Variants in MANBA observed in about 807,000 individuals in gnomAD.
The protein encoded by MANBA is mannosidase beta, also known as beta-mannosidase.
In MANBA, 83 loss-of-function variants were observed where a neutral mutation model predicts 111.1. The observed-to-expected ratio is 0.75, with a 90% confidence interval of 0.63 to 0.90. The LOEUF is 0.90. MANBA is among the 40% of genes least tolerant of loss of function. The pLI is 0.00. For synonymous variants in MANBA, 370 were observed against 378.7 expected, an observed-to-expected ratio of 0.98 and a Z score of 0.27; for missense variants, 1,036 against 1,069.0, an observed-to-expected ratio of 0.97 and a Z score of 0.43.
In MANBA at chr4:102,634,782, G is replaced by T; in HGVS notation, c.2415+6C>A. 6.2e-7 allele frequency: 1 copy of T among 1,613,270 alleles called. No individual in the cohort carries two copies. On this transcript the variant is annotated splice_donor_region_variant and intron_variant, in intron 16 of 16. Transcript: ENST00000647097. ...TCCCCTGCCCTCCGCCATGACCTGT[G>T]CTTACAGTGATCTGCGCCTTGCAGA...
chr4:102,730,171 TG>T, intron 1 of MANBA: 2 of 1,034,816 alleles, frequency 1.9e-6, no homozygotes, highest in Admixed American at 2.6e-5. Context: ...CTGATGGACA[TG>T]GTGGAGGCAG....
chr4:102,730,217 C>T lies in MANBA; in HGVS notation c.178-3534G>A, dbSNP rs543540809. The T allele has an allele frequency of 4.0e-4, 241 of 606,210 alleles. 1 individual carries two copies. The African/African-American group carries it at 4.2e-3, about 10-fold the overall frequency. 37.6% of individuals were successfully genotyped at this position (606,210 alleles called of 1,614,324 possible). On this transcript the variant is annotated intron_variant, in intron 1 of 16. Transcript: ENST00000647097. ...CAGGAAGGCCGAACCAGATAGAGAT[C>T]CCAGAAGGAGTGGAGAAGCTGCTTC...
At chr4:102,752,340 T>C in intron 1 of MANBA, 1 of 1,362,842 alleles carries the variant, frequency 7.3e-7, no homozygotes, top group South Asian at 1.2e-5. Context: ...CAGATAGGCA[T>C]ACCAGACTGT....
At chr4:102,666,735 T>C (rs1278008056) in intron 10 of MANBA, 2 of 152,162 alleles carry the variant, frequency 1.3e-5, no homozygotes, top group Admixed American at 6.5e-5. Context: ...AGGAGTTCGA[T>C]TGTACTTTTT....
chr4:102,722,941 C>A lies in MANBA; in HGVS notation c.479G>T (p.Arg160Leu), dbSNP rs144917953. The change falls in exon 4 of 17, where the codon CGC (arginine) becomes CTC (leucine). Residue 160 changes from arginine to leucine, a missense_variant. By Grantham distance (102) the Arg-to-Leu change is moderately radical (BLOSUM62 -2). Coordinates refer to ENST00000647097, the MANE Select transcript of MANBA (RefSeq NM_005908.4). ...AGGGCAGTCTGGGGGAACCTGGTAG[C>A]GAGTGTGAGCTTTGCTCTGCTGTGC... Reference protein sequence around the residue: ...YAAQQSKAHTRYQVPPDCPPL... With the variant: ...YAAQQSKAHTLYQVPPDCPPL... 2.5e-6 allele frequency: 4 copies of A among 1,614,072 alleles called. No homozygotes were observed. The highest frequency in any genetic ancestry group is 3.3e-4 in the Middle Eastern group (2 of 6,062).
intron 5 of MANBA, among the ~76,000 whole-genome samples, chr4:102,709,572 G>A (rs192272131): frequency 3.3e-5 from 5 of 152,166 alleles, no homozygotes; most frequent in Non-Finnish European, 5.9e-5. Flanking sequence ...AAGTTACAAC[G>A]AAGAACTAAT....
At chr4:102,737,179 T>G (rs1723245567) in intron 1 of MANBA, among the ~76,000 whole-genome samples, 2 of 152,114 alleles carry the variant, frequency 1.3e-5, no homozygotes, top group South Asian at 4.1e-4. Flanking sequence ...CCGGCTGAAC[T>G]TTGTAATATT....
chr4:102,738,611 A>G (rs1723299729), intron 1 of MANBA, among the ~76,000 whole-genome samples: 1 of 152,232 alleles, frequency 6.6e-6, no homozygotes, highest in African/African-American at 2.4e-5. Flanking sequence ...GTAACCCTTG[A>G]GTTCCAAATC....
At chr4:102,692,515 C>CTGGGACAGACT (rs1316444223) in intron 5 of MANBA, among the ~76,000 whole-genome samples, 3 of 152,084 alleles carry the variant, frequency 2.0e-5, no homozygotes, top group Admixed American at 2.0e-4. Context: ...AGATAGAGCA[C>CTGGGACAGACT]TGGGACAGAC....
intron 6 of MANBA, 72 bp from the exon 7 acceptor site, chr4:102,689,756 A>G (rs1226735151): frequency 5.8e-6 from 5 of 856,964 alleles, no homozygotes; most frequent in South Asian, 2.7e-5. Context: ...CATTACATCA[A>G]TTTCTCAAAT....
chr4:102,649,052 A>C (rs567630425), intron 13 of MANBA, among the ~76,000 whole-genome samples: 2 of 152,098 alleles, frequency 1.3e-5, no homozygotes, highest in African/African-American at 2.4e-5. Flanking sequence ...TACCTGCAAG[A>C]CTCATCCAAG....
chr4:102,684,036 A>G (rs935943411), intron 7 of MANBA, among the ~76,000 whole-genome samples: 2 of 151,960 alleles, frequency 1.3e-5, no homozygotes. Flanking sequence ...TATGGGCTGC[A>G]TTCAAAATCT....
At chr4:102,739,014 C>T (rs956059856) in intron 1 of MANBA, among the ~76,000 whole-genome samples, 8 of 151,834 alleles carry the variant, frequency 5.3e-5, no homozygotes, top group Admixed American at 6.6e-5. Flanking sequence ...ATAAATGAAA[C>T]AAAAACTGGC....
chr4:102,718,795 C>T (rs1486692904), intron 4 of MANBA, among the ~76,000 whole-genome samples: 2 of 152,158 alleles, frequency 1.3e-5, no homozygotes, highest in Non-Finnish European at 2.9e-5. Flanking sequence ...AATTTTACAG[C>T]TGGGCCTCTG....
At chr4:102,755,815 A>T (rs1481349054) in intron 1 of MANBA, among the ~76,000 whole-genome samples, 1 of 152,244 alleles carries the variant, frequency 6.6e-6, no homozygotes, top group African/African-American at 2.4e-5. Flanking sequence ...TGGGCAAAGG[A>T]TATGAACAGA....
intron 4 of MANBA, among the ~76,000 whole-genome samples, chr4:102,721,232 G>A (rs888880878): frequency 6.6e-6 from 1 of 152,164 alleles, no homozygotes; most frequent in Admixed American, 6.5e-5. Context: ...GCTGAGGCAA[G>A]AGAATTGTTT....
At chr4:102,706,964 G>A (rs1733324653) in intron 5 of MANBA, among the ~76,000 whole-genome samples, 1 of 152,084 alleles carries the variant, frequency 6.6e-6, no homozygotes, top group African/African-American at 2.4e-5. Context: ...CTAATTTTCA[G>A]TGTGCCAGAA....
At chr4:102,707,216 A>C (rs1733338917) in intron 5 of MANBA, among the ~76,000 whole-genome samples, 1 of 152,210 alleles carries the variant, frequency 6.6e-6, no homozygotes, top group Admixed American at 6.5e-5. Context: ...AACCCTCATC[A>C]CACTAACAGC....
intron 5 of MANBA, chr4:102,691,025 G>C (rs1337736905): frequency 6.4e-6 from 1 of 156,224 alleles, no homozygotes; most frequent in East Asian, 1.8e-4. Context: ...ATGATTGTAA[G>C]TCATAAAAAC....
Sources: allele counts gnomAD v4.1 joint callset (sites outside exome capture counted in the v4.1 genomes callset), GRCh38; gene constraint gnomAD v4.1.1; transcripts MANE v1.5; gene names NCBI Gene and HGNC (gene_info 2026-07-23, HGNC 2026-07-21).